Variants in ACVR1C observed in about 807,000 individuals in gnomAD.
ACVR1C encodes activin receptor type-1C.
In ACVR1C, 23 loss-of-function variants were observed where a neutral mutation model predicts 57.9. That is an observed-to-expected ratio of 0.40 (90% CI 0.29 to 0.56). ACVR1C has a LOEUF of 0.56. Among genes scored for constraint, ACVR1C ranks in the 20% least tolerant of loss-of-function variants. The probability of loss-of-function intolerance (pLI) is 0.50; values close to 1 mark genes in which losing one functional copy is unlikely to be tolerated. For synonymous variants in ACVR1C, 214 were observed against 215.3 expected (o/e 0.99, Z 0.05); for missense variants, 480 against 607.9 (o/e 0.79, Z 2.21).
At chr2:157,538,486 G>A in intron 8 of ACVR1C, 87 bp downstream of exon 8, 1 of 1,260,184 alleles carries the variant, frequency 7.9e-7, no homozygotes, top group Admixed American at 2.9e-5. Flanking sequence ...GGAATGAATT[G>A]GAAAAACTAT....
chr2:157,620,801 T>C (rs1157872179), intron 1 of ACVR1C, among the ~76,000 whole-genome samples: 2 of 152,156 alleles, frequency 1.3e-5, no homozygotes, highest in Non-Finnish European at 2.9e-5. Flanking sequence ...CATATCCTGA[T>C]GAGTTAGATT....
chr2:157,583,111 G>A (rs916952146), intron 2 of ACVR1C, among the ~76,000 whole-genome samples: 6 of 151,920 alleles, frequency 3.9e-5, no homozygotes, highest in Non-Finnish European at 7.4e-5. Context: ...TCTGCCCACC[G>A]TAGCCTCCCA....
intron 2 of ACVR1C, among the ~76,000 whole-genome samples, chr2:157,564,398 C>T (rs1216503801): frequency 6.6e-6 from 1 of 152,150 alleles, no homozygotes; most frequent in Non-Finnish European, 1.5e-5. Flanking sequence ...TAAATCAAAA[C>T]CACAATGAGA....
intron 1 of ACVR1C, among the ~76,000 whole-genome samples, chr2:157,621,829 G>A (rs1559000032): frequency 6.6e-6 from 1 of 152,160 alleles, no homozygotes; most frequent in Non-Finnish European, 1.5e-5. Flanking sequence ...GTTTCCTGGA[G>A]TTAGAATCCA....
chr2:157,534,989 C>T (rs940837613), intron 8 of ACVR1C, among the ~76,000 whole-genome samples: 7 of 151,946 alleles, frequency 4.6e-5, no homozygotes, highest in African/African-American at 1.5e-4. Flanking sequence ...GACCCTGTCT[C>T]TACAAAAAAT....
Position 157,550,339 on chromosome 2 carries a change from T to C in ACVR1C, c.598A>G (p.Ile200Val). 1.2e-6 allele frequency: 2 copies of C among 1,614,176 alleles called. No homozygotes were observed. Among genetic ancestry groups the C allele is most frequent in the Non-Finnish European group, 1.7e-6 (2 of 1,180,028 alleles). Residue 200 changes from isoleucine (I) to valine (V), a missense_variant, in exon 4 of 9, where the codon ATA becomes GTA. Transcript: ENST00000243349. ...TIARTIVLQE[I>V]VGKGRFGEVW... Reference sequence around the variant, plus strand: ...TCACCAAATCTACCTTTTCCTACTATTTCCTGAAGCACAATCGTCCTTGCA... The same window carrying C: ...TCACCAAATCTACCTTTTCCTACTACTTCCTGAAGCACAATCGTCCTTGCA...
At chr2:157,576,837 T>TAATGAGAATATA (rs1558984202) in intron 2 of ACVR1C, among the ~76,000 whole-genome samples, 6 of 49,956 alleles carry the variant, frequency 1.2e-4, no homozygotes, top group African/African-American at 2.6e-4. Context: ...GAAATTTTCT[T>TAATGAGAATATA]TTTTTTTTTT....
In ACVR1C at chr2:157,528,914, A is replaced by C. The variant is rs1417649559; in HGVS notation, c.*5004T>G. ...ACAGAGAACTTAAAATCTTGTTAAG[A>C]AGTTCATTGTGTAGAAGTTTGGACA... On this transcript the variant is annotated 3_prime_UTR_variant, in exon 9 of 9. Coordinates refer to ENST00000243349, the MANE Select transcript of ACVR1C (RefSeq NM_145259.3). 4 of 152,180 alleles carry C rather than the reference A, an allele frequency of 2.6e-5. No individual in the cohort carries two copies. Among genetic ancestry groups the C allele is most frequent in the African/African-American group, 9.7e-5 (4 of 41,450 alleles). The allele number at this position is 152,180 out of a possible 1,614,324, so 9.4% of individuals were successfully genotyped here.
intron 2 of ACVR1C, among the ~76,000 whole-genome samples, chr2:157,572,388 A>AG (rs1158412477): frequency 4.6e-5 from 7 of 152,022 alleles, no homozygotes; most frequent in African/African-American, 1.7e-4. Flanking sequence ...TTAAAAAAAA[A>AG]AAAAAGTCTA....
chr2:157,551,695 G>C (rs1431555470), intron 3 of ACVR1C, among the ~76,000 whole-genome samples: 1 of 152,190 alleles, frequency 6.6e-6, no homozygotes, highest in Admixed American at 6.5e-5. Context: ...AATAGTTAAA[G>C]AGGTTACAGT....
intron 1 of ACVR1C, among the ~76,000 whole-genome samples, chr2:157,625,506 CTCAG>C: frequency 6.6e-6 from 1 of 151,954 alleles, no homozygotes; most frequent in Non-Finnish European, 1.5e-5. Flanking sequence ...CATTTATAAA[CTCAG>C]TCAGCCCTGA....
At chr2:157,550,022 GA>G (rs1357881209) in intron 4 of ACVR1C, 139 bp downstream of exon 4, 4 of 688,344 alleles carry the variant, frequency 5.8e-6, no homozygotes, top group Non-Finnish European at 8.9e-6. Flanking sequence ...AAAAAAGAAA[GA>G]AAAGGAAAAG....
intron 3 of ACVR1C, among the ~76,000 whole-genome samples, chr2:157,555,795 G>A (rs931255118): frequency 1.3e-5 from 2 of 152,164 alleles, no homozygotes; most frequent in Non-Finnish European, 2.9e-5. Context: ...ATAATGGGGG[G>A]AAGCAGGGAG....
intron 1 of ACVR1C, among the ~76,000 whole-genome samples, chr2:157,613,450 G>GT (rs149031600): frequency 0.062 from 9,402 of 150,554 alleles, 623 homozygotes; most frequent in African/African-American, 0.17. Context: ...TTTTTGTTGT[G>GT]TTTTTTTTCC....
At chr2:157,553,231 A>G (rs1047576313) in intron 3 of ACVR1C, among the ~76,000 whole-genome samples, 3 of 152,108 alleles carry the variant, frequency 2.0e-5, no homozygotes, top group African/African-American at 7.2e-5. Context: ...CTGAAGCCTC[A>G]CTGCGGATAC....
chr2:157,561,046 G>C (rs11679793), intron 2 of ACVR1C, among the ~76,000 whole-genome samples: 52,957 of 152,048 alleles, frequency 0.35, 9,733 homozygotes, highest in Non-Finnish European at 0.4. Flanking sequence ...AGAGATATGT[G>C]CTGCTGGAAA....
chr2:157,544,360 T>G, intron 5 of ACVR1C, 85 bp downstream of exon 5: 1 of 1,311,318 alleles, frequency 7.6e-7, no homozygotes, highest in South Asian at 1.7e-5. Flanking sequence ...AAATAATAAT[T>G]AATTACTCCT....
intron 8 of ACVR1C, among the ~76,000 whole-genome samples, chr2:157,535,667 C>T (rs1687465283): frequency 6.6e-6 from 1 of 152,230 alleles, no homozygotes; most frequent in East Asian, 1.9e-4. Context: ...CCTGTAATCC[C>T]AGCTACTCCT....
At position 157,594,248 on chromosome 2, in the gene ACVR1C, C is replaced by T. The variant is rs534876679; in HGVS notation, c.74-6831G>A. Among the ~76,000 whole-genome samples the T allele has an allele frequency of 3.9e-5, 6 of 152,250 alleles. No homozygotes were observed. In the East Asian group the frequency reaches 1.2e-3, roughly 29 times the overall value. ...AGCCACCTGAGACTTTAGACATGTT[C>T]CCCAATCTCTCCAGATCTTATCTTC... On this transcript the variant is annotated intron_variant, in intron 1 of 8. Transcript: ENST00000243349.
Sources: gnomAD v4.1 joint callset for allele counts (sites outside exome capture counted in the v4.1 genomes callset) on GRCh38, gnomAD v4.1.1 for gene constraint, MANE v1.5 for transcripts, NCBI Gene and HGNC (gene_info 2026-07-23, HGNC 2026-07-21) for gene names.